The following SPATS2L variants were observed in gnomAD, a reference collection of about 807,000 sequenced individuals.
The protein encoded by SPATS2L is spermatogenesis associated serine rich 2 like.
Under a neutral mutation model 59.6 loss-of-function variants are expected in SPATS2L, and 30 were observed. The ratio of observed to expected loss-of-function variants is 0.50; its 90% CI spans 0.38 to 0.68. The LOEUF is 0.68. Ranked by LOEUF, SPATS2L falls within the 30% of genes least tolerant of loss-of-function variation. The pLI, the probability that SPATS2L is intolerant of heterozygous loss-of-function variation, is 0.00. For missense variants in SPATS2L, 615 were observed against 700.0 expected (o/e 0.88, Z 1.37); for synonymous variants, 252 against 263.5 (o/e 0.96, Z 0.42).
chr2:200,479,487 C>A lies in SPATS2L; in HGVS notation c.*1456C>A. On this transcript the variant is annotated 3_prime_UTR_variant, in exon 13 of 13. Coordinates refer to ENST00000409140, the MANE Select transcript of SPATS2L (RefSeq NM_001100423.2). ...CTAATTTGCATAGACTAATTAGAGC[C>A]CACCCCTGGAGCCTGGGTGTGGCCA... The A allele has an allele frequency of 2.5e-6, 1 of 398,314 alleles. No individual in the cohort carries two copies. The highest frequency in any genetic ancestry group is 4.4e-5 in the Admixed American group (1 of 22,708). 24.7% of individuals were successfully genotyped at this position (398,314 alleles called of 1,614,324 possible).
intron 1 of SPATS2L, among the ~76,000 whole-genome samples, chr2:200,311,961 C>T (rs1281693793): frequency 1.3e-5 from 2 of 152,048 alleles, no homozygotes; most frequent in African/African-American, 4.8e-5. Flanking sequence ...ATTCCAGGGC[C>T]AATTTGTTGA....
At chr2:200,437,410 C>T (rs1163930019) in intron 6 of SPATS2L, among the ~76,000 whole-genome samples, 4 of 152,146 alleles carry the variant, frequency 2.6e-5, no homozygotes, top group Admixed American at 2.6e-4. Context: ...CCAACAGAAT[C>T]ACCTGGGGAG....
chr2:200,337,641 T>G (rs921224830), intron 2 of SPATS2L, among the ~76,000 whole-genome samples: 1 of 152,198 alleles, frequency 6.6e-6, no homozygotes, highest in Non-Finnish European at 1.5e-5. Context: ...GACAGCTAGT[T>G]GAAAGGCATG....
intron 4 of SPATS2L, 49 bp from the exon 5 acceptor site, chr2:200,416,330 G>A: frequency 2.0e-6 from 2 of 989,408 alleles, no homozygotes; most frequent in Non-Finnish European, 2.8e-6. Flanking sequence ...AATTTTGTGT[G>A]GTGTTTTATG....
chr2:200,431,906 A>G (rs1286791501), intron 6 of SPATS2L, among the ~76,000 whole-genome samples: 1 of 152,250 alleles, frequency 6.6e-6, no homozygotes, highest in African/African-American at 2.4e-5. Flanking sequence ...AGTAAAGTAT[A>G]TAAGTTGATA....
intron 2 of SPATS2L, among the ~76,000 whole-genome samples, chr2:200,368,052 G>T (rs182219105): frequency 2.0e-5 from 3 of 152,270 alleles, no homozygotes; most frequent in African/African-American, 4.8e-5. Context: ...TTGATGAATG[G>T]CAGGATTTGT....
chr2:200,470,136 T>G, intron 11 of SPATS2L, 120 bp downstream of exon 11: 1 of 697,356 alleles, frequency 1.4e-6, no homozygotes, highest in Non-Finnish European at 2.4e-6. Context: ...TCTAAAGAGA[T>G]TTAATGATCT....
At chr2:200,440,852 G>T in intron 8 of SPATS2L, 68 bp downstream of exon 8, 1 of 1,539,324 alleles carries the variant, frequency 6.5e-7, no homozygotes, top group Non-Finnish European at 8.8e-7. Flanking sequence ...AAAAGTATCA[G>T]ATGGAAAACG....
chr2:200,454,455 C>G (rs535124095), intron 8 of SPATS2L, among the ~76,000 whole-genome samples: 6 of 152,058 alleles, frequency 3.9e-5, no homozygotes, highest in Admixed American at 6.5e-5. Context: ...AATGATAAAT[C>G]TATTACTACT....
At chr2:200,307,665 A>G (rs2079071084) in intron 1 of SPATS2L, among the ~76,000 whole-genome samples, 1 of 152,186 alleles carries the variant, frequency 6.6e-6, no homozygotes, top group South Asian at 2.1e-4. Flanking sequence ...CGCACTCTGA[A>G]TATCATGCTG....
At chr2:200,330,015 C>T (rs933631080) in intron 2 of SPATS2L, among the ~76,000 whole-genome samples, 7 of 152,172 alleles carry the variant, frequency 4.6e-5, no homozygotes, top group Non-Finnish European at 5.9e-5. Flanking sequence ...GACTCCTGAG[C>T]CAGACAGCCT....
intron 2 of SPATS2L, among the ~76,000 whole-genome samples, chr2:200,388,068 A>G (rs1195568217): frequency 2.0e-5 from 3 of 152,216 alleles, no homozygotes; most frequent in Admixed American, 2.0e-4. Context: ...TTAAGGGTCC[A>G]TTTGAAAATG....
intron 1 of SPATS2L, chr2:200,308,796 T>C (rs2079106760): frequency 9.4e-6 from 4 of 427,064 alleles, no homozygotes; most frequent in Non-Finnish European, 1.6e-5. Flanking sequence ...CCTGAAAATA[T>C]TAAATGATTT....
At chr2:200,463,529 T>C (rs772266251) in intron 9 of SPATS2L, among the ~76,000 whole-genome samples, 5 of 152,194 alleles carry the variant, frequency 3.3e-5, no homozygotes, top group Non-Finnish European at 7.3e-5. Context: ...GAGTTAGCAT[T>C]TTGAGTATAC....
intron 6 of SPATS2L, among the ~76,000 whole-genome samples, chr2:200,434,396 A>T (rs2084139742): frequency 6.6e-6 from 1 of 152,056 alleles, no homozygotes; most frequent in African/African-American, 2.4e-5. Flanking sequence ...GATTAATAAG[A>T]CAAGGAACGA....
chr2:200,316,024 CAAAAAA>C (rs369862567), intron 1 of SPATS2L, among the ~76,000 whole-genome samples: 1 of 49,798 alleles, frequency 2.0e-5, no homozygotes, highest in Non-Finnish European at 4.0e-5. Flanking sequence ...GACTCCATCT[CAAAAAA>C]AAAAAAAAAA....
At chr2:200,388,471 C>G (rs2082063153) in intron 2 of SPATS2L, among the ~76,000 whole-genome samples, 1 of 151,954 alleles carries the variant, frequency 6.6e-6, no homozygotes, top group Non-Finnish European at 1.5e-5. Context: ...ACTTGGGAGG[C>G]TGAGGTGGCA....
At chr2:200,396,011 GAAAA>G (rs1218853084) in intron 3 of SPATS2L, among the ~76,000 whole-genome samples, 196 of 10,518 alleles carry the variant, frequency 0.019, 1 homozygote, top group South Asian at 0.082. Context: ...ACTCGATCTG[GAAAA>G]AAAAAAAAAA....
chr2:200,334,744 T>C (rs1008193283), intron 2 of SPATS2L, among the ~76,000 whole-genome samples: 4 of 152,128 alleles, frequency 2.6e-5, no homozygotes, highest in African/African-American at 9.7e-5. Flanking sequence ...TAGCCAGTTT[T>C]CCCAGCACCA....
Sources: allele counts gnomAD v4.1 joint callset (sites outside exome capture counted in the v4.1 genomes callset), GRCh38; gene constraint gnomAD v4.1.1; transcripts MANE v1.5; gene names NCBI Gene and HGNC (gene_info 2026-07-23, HGNC 2026-07-21).